The following RPS6KC1 variants were observed in gnomAD, a reference collection of about 807,000 sequenced individuals.
RPS6KC1 encodes the protein ribosomal protein S6 kinase C1.
In RPS6KC1, 54 loss-of-function variants were observed where a neutral mutation model predicts 103.8. The observed-to-expected ratio is 0.52, with a 90% CI of 0.42 to 0.65. RPS6KC1 has a LOEUF of 0.65. Ranked by LOEUF, RPS6KC1 falls within the 30% of genes least tolerant of loss-of-function variation. The pLI, the probability that RPS6KC1 is intolerant of heterozygous loss-of-function variation, is 0.00. For missense variants in RPS6KC1, 1,151 were observed against 1,253.8 expected, an observed-to-expected ratio of 0.92 and a Z score of 1.24; for synonymous variants, 439 against 438.7, an observed-to-expected ratio of 1.00 and a Z score of -0.01.
the RPS6KC1 span, among the ~76,000 whole-genome samples, chr1:213,633,552 T>C: frequency 2.0e-5 from 3 of 151,950 alleles, no homozygotes; most frequent in Non-Finnish European, 4.4e-5. Context: ...AAGTAAGCAC[T>C]AAACATGGAA....
chr1:213,723,906 C>A, the RPS6KC1 span, among the ~76,000 whole-genome samples: 1 of 143,836 alleles, frequency 7.0e-6, no homozygotes, highest in East Asian at 2.0e-4. Context: ...ATAATAAAGC[C>A]TATGGAGGAA....
At chr1:213,221,913 T>A (rs1179650567) in intron 8 of RPS6KC1, among the ~76,000 whole-genome samples, 1 of 152,244 alleles carries the variant, frequency 6.6e-6, no homozygotes, top group Non-Finnish European at 1.5e-5. Flanking sequence ...CTTCATATAA[T>A]TCTGGTAGAT....
At chr1:213,211,909 T>C (rs2093517248) in intron 8 of RPS6KC1, among the ~76,000 whole-genome samples, 2 of 152,326 alleles carry the variant, frequency 1.3e-5, no homozygotes, top group African/African-American at 4.8e-5. Flanking sequence ...AGAAGCATTT[T>C]GTTTTTTAAG....
chr1:213,278,041 A>C (rs951404338), downstream of RPS6KC1, among the ~76,000 whole-genome samples: 2 of 151,922 alleles, frequency 1.3e-5, no homozygotes, highest in Admixed American at 6.6e-5. Context: ...CTGTCTCTAC[A>C]AAAAATACAA....
intron 6 of RPS6KC1, among the ~76,000 whole-genome samples, chr1:213,146,669 C>T (rs1005336767): frequency 6.6e-6 from 1 of 151,792 alleles, no homozygotes; most frequent in Admixed American, 6.6e-5. Flanking sequence ...TTGTGATCTG[C>T]CCACGTCGGC....
chr1:213,269,590 A>C (rs2094993087), intron 14 of RPS6KC1, among the ~76,000 whole-genome samples: 1 of 152,224 alleles, frequency 6.6e-6, no homozygotes, highest in Admixed American at 6.5e-5. Context: ...TACATTGTAC[A>C]CTGATTATAA....
the RPS6KC1 span, among the ~76,000 whole-genome samples, chr1:213,280,634 A>G: frequency 6.6e-6 from 1 of 152,186 alleles, no homozygotes; most frequent in Non-Finnish European, 1.5e-5. Context: ...TGGACTTCAT[A>G]GTAGTAAAGT....
the RPS6KC1 span, among the ~76,000 whole-genome samples, chr1:213,712,891 A>T: frequency 1.3e-5 from 2 of 152,010 alleles, no homozygotes; most frequent in Non-Finnish European, 2.9e-5. Flanking sequence ...CTCATTGGAG[A>T]TGCAGAAATC....
At chr1:213,704,259 C>G in the RPS6KC1 span, among the ~76,000 whole-genome samples, 1 of 150,574 alleles carries the variant, frequency 6.6e-6, no homozygotes, top group African/African-American at 2.4e-5. Flanking sequence ...AGGTGGCGGG[C>G]GCCTGTAGTC....
At chr1:213,138,933 G>C (rs966845358) in intron 6 of RPS6KC1, among the ~76,000 whole-genome samples, 1 of 152,188 alleles carries the variant, frequency 6.6e-6, no homozygotes, top group African/African-American at 2.4e-5. Context: ...TCTCCAGACT[G>C]CTTTCCACAG....
the RPS6KC1 span, among the ~76,000 whole-genome samples, chr1:213,476,437 T>C: frequency 6.6e-6 from 1 of 152,232 alleles, no homozygotes. Context: ...TGAAACACTC[T>C]GAGTGAATGG....
At chr1:213,541,865 G>A in the RPS6KC1 span, among the ~76,000 whole-genome samples, 1 of 152,202 alleles carries the variant, frequency 6.6e-6, no homozygotes, top group Non-Finnish European at 1.5e-5. Context: ...CTTTGAACAT[G>A]TGCTGCAGGC....
the RPS6KC1 span, among the ~76,000 whole-genome samples, chr1:213,691,411 C>T: frequency 5.2e-4 from 79 of 152,294 alleles, no homozygotes; most frequent in African/African-American, 1.6e-3. Flanking sequence ...TTGTACATTA[C>T]GCATTTGTGC....
At chr1:213,080,272 G>C (rs2079753534) in intron 3 of RPS6KC1, among the ~76,000 whole-genome samples, 1 of 151,770 alleles carries the variant, frequency 6.6e-6, no homozygotes, top group Non-Finnish European at 1.5e-5. Context: ...TACTCTGGTG[G>C]GTAAGGATTT....
the RPS6KC1 span, among the ~76,000 whole-genome samples, chr1:213,291,287 T>A: frequency 6.6e-6 from 1 of 152,224 alleles, no homozygotes; most frequent in Non-Finnish European, 1.5e-5. Flanking sequence ...TCTGGAAGCA[T>A]CCTACCACCT....
the RPS6KC1 span, among the ~76,000 whole-genome samples, chr1:213,540,793 C>T: frequency 6.6e-6 from 1 of 151,030 alleles, no homozygotes; most frequent in Non-Finnish European, 1.5e-5. Context: ...AGTCAATCCT[C>T]TCAAGCCCTG....
At chr1:213,128,134 C>T (rs983211635) in intron 5 of RPS6KC1, among the ~76,000 whole-genome samples, 1 of 152,184 alleles carries the variant, frequency 6.6e-6, no homozygotes, top group African/African-American at 2.4e-5. Flanking sequence ...ACATTTCCTT[C>T]ATATCTTTCA....
chr1:213,571,334 T>G, the RPS6KC1 span, among the ~76,000 whole-genome samples: 2 of 152,134 alleles, frequency 1.3e-5, no homozygotes, highest in Admixed American at 6.5e-5. Context: ...CTTAGGGAAC[T>G]TACATCTGGG....
At chr1:213,582,631 G>T in the RPS6KC1 span, among the ~76,000 whole-genome samples, 6 of 152,148 alleles carry the variant, frequency 3.9e-5, no homozygotes. Context: ...GTTAGTTTTG[G>T]GGTGAAAGGC....
Sources: allele counts gnomAD v4.1 joint callset (sites outside exome capture counted in the v4.1 genomes callset), GRCh38; gene constraint gnomAD v4.1.1; transcripts MANE v1.5; gene names NCBI Gene and HGNC (gene_info 2026-07-23, HGNC 2026-07-21).